PCDH7: variants seen among roughly 807,000 people sequenced by gnomAD.
PCDH7 encodes protocadherin-7.
In PCDH7, 17 loss-of-function variants were observed where a neutral mutation model predicts 58.9. The ratio of observed to expected loss-of-function variants is 0.29; its 90% CI spans 0.20 to 0.43. PCDH7 has a LOEUF of 0.43. Ranked by LOEUF, PCDH7 falls within the 20% of genes least tolerant of loss-of-function variation. The pLI, the probability that PCDH7 is intolerant of heterozygous loss-of-function variation, is 1.00. For missense variants in PCDH7, 1,274 were observed against 1,441.0 expected, an observed-to-expected ratio of 0.88 and a Z score of 1.88; for synonymous variants, 664 against 616.4, an observed-to-expected ratio of 1.08 and a Z score of -1.14.
At chr4:31,028,358 A>G (rs1230978338) in intron 3 of PCDH7, among the ~76,000 whole-genome samples, 2 of 152,198 alleles carry the variant, frequency 1.3e-5, no homozygotes, top group Non-Finnish European at 2.9e-5. Flanking sequence ...TTAAAACAGA[A>G]TAGAGGAAGT....
At chr4:31,129,668 C>T (rs1718731599) in intron 3 of PCDH7, among the ~76,000 whole-genome samples, 1 of 152,038 alleles carries the variant, frequency 6.6e-6, no homozygotes, top group African/African-American at 2.4e-5. Context: ...GGCTCTGTCT[C>T]CCAGGCTGGA....
intron 3 of PCDH7, among the ~76,000 whole-genome samples, chr4:31,046,333 A>T (rs564223684): frequency 6.6e-6 from 1 of 152,082 alleles, no homozygotes; most frequent in East Asian, 1.9e-4. Context: ...TTGGGCTTAA[A>T]ATACCAGCTC....
At chr4:31,013,592 TACACACACAC>T (rs138674335) in intron 3 of PCDH7, among the ~76,000 whole-genome samples, 16 of 146,436 alleles carry the variant, frequency 1.1e-4, no homozygotes, top group Non-Finnish European at 2.3e-4. Context: ...ATATATTTTA[TACACACACAC>T]ACACACACAC....
chr4:31,032,286 T>A (rs1031397569), intron 3 of PCDH7, among the ~76,000 whole-genome samples: 2 of 152,136 alleles, frequency 1.3e-5, no homozygotes, highest in Non-Finnish European at 2.9e-5. Flanking sequence ...AAATAACTTT[T>A]AAAAATGTAT....
At chr4:30,986,062 C>T (rs535094420) in intron 3 of PCDH7, among the ~76,000 whole-genome samples, 2 of 152,208 alleles carry the variant, frequency 1.3e-5, no homozygotes, top group East Asian at 3.9e-4. Context: ...CCTTGAAAAG[C>T]AGGATAATTT....
chr4:31,104,335 T>A (rs1715277793), intron 3 of PCDH7, among the ~76,000 whole-genome samples: 1 of 152,180 alleles, frequency 6.6e-6, no homozygotes, highest in Non-Finnish European at 1.5e-5. Context: ...AAATTATATT[T>A]CCTGCCAAAT....
downstream of PCDH7, among the ~76,000 whole-genome samples, chr4:30,735,409 A>G (rs1481573010): frequency 6.6e-6 from 1 of 152,266 alleles, no homozygotes; most frequent in East Asian, 1.9e-4. Flanking sequence ...GTATCTTGAG[A>G]GCAACGGGCA....
exon 4 of PCDH7, chr4:31,142,575 C>T (rs374867601): frequency 3.3e-5 from 45 of 1,367,530 alleles, no homozygotes; most frequent in East Asian, 4.6e-5. Context: ...CGCACTTCTC[C>T]GGAGAGGAAG....
intron 3 of PCDH7, among the ~76,000 whole-genome samples, chr4:30,970,345 A>G (rs1371264388): frequency 6.6e-6 from 1 of 150,910 alleles, no homozygotes; most frequent in Non-Finnish European, 1.5e-5. Flanking sequence ...CCCAGGCTGG[A>G]GTGCAGTGGC....
chr4:31,105,339 G>T (rs906568642), intron 3 of PCDH7, among the ~76,000 whole-genome samples: 7 of 152,060 alleles, frequency 4.6e-5, no homozygotes, highest in Non-Finnish European at 7.4e-5. Context: ...CATAATGCAT[G>T]TGAATGAATC....
chr4:30,995,293 G>A (rs1415035838), intron 3 of PCDH7, among the ~76,000 whole-genome samples: 6 of 152,120 alleles, frequency 3.9e-5, no homozygotes, highest in Non-Finnish European at 8.8e-5. Flanking sequence ...AGAGGCAGGA[G>A]GATCATGAGG....
At chr4:31,120,499 T>C (rs1257157611) in intron 3 of PCDH7, among the ~76,000 whole-genome samples, 1 of 150,174 alleles carries the variant, frequency 6.7e-6, no homozygotes, top group Non-Finnish European at 1.5e-5. Flanking sequence ...TCACTGAAAA[T>C]TAGGTATAAT....
chr4:30,776,485 A>G (rs995342179), intron 1 of PCDH7, among the ~76,000 whole-genome samples: 3 of 152,238 alleles, frequency 2.0e-5, no homozygotes, highest in Non-Finnish European at 2.9e-5. Context: ...AAAATGAAAT[A>G]TCACCATGTT....
At chr4:30,808,363 A>G (rs1726532066) in intron 1 of PCDH7, among the ~76,000 whole-genome samples, 2 of 152,202 alleles carry the variant, frequency 1.3e-5, no homozygotes, top group South Asian at 4.1e-4. Flanking sequence ...AAATAAATAA[A>G]TAAAACTTTT....
chr4:30,882,319 A>G (rs1052852811), intron 1 of PCDH7, among the ~76,000 whole-genome samples: 3 of 151,442 alleles, frequency 2.0e-5, no homozygotes, highest in African/African-American at 4.9e-5. Context: ...TTGGAGTGCA[A>G]TGGGGCGGTC....
intron 1 of PCDH7, among the ~76,000 whole-genome samples, chr4:30,824,628 C>A (rs149026477): frequency 6.6e-6 from 1 of 151,912 alleles, no homozygotes; most frequent in Non-Finnish European, 1.5e-5. Context: ...ATCAAGAGTA[C>A]GGTTTTATCA....
chr4:31,064,396 G>A (rs1029030215), intron 3 of PCDH7, among the ~76,000 whole-genome samples: 2 of 151,962 alleles, frequency 1.3e-5, no homozygotes, highest in African/African-American at 2.4e-5. Context: ...TAGGGCGTGT[G>A]TGTCTTTGTA....
intron 3 of PCDH7, among the ~76,000 whole-genome samples, chr4:31,014,977 C>T (rs1753492249): frequency 6.6e-6 from 1 of 152,056 alleles, no homozygotes; most frequent in Admixed American, 6.6e-5. Context: ...GCATGCACAG[C>T]AAAGGCAATC....
At chr4:30,795,748 G>C (rs1003873057) in intron 1 of PCDH7, among the ~76,000 whole-genome samples, 1 of 152,116 alleles carries the variant, frequency 6.6e-6, no homozygotes, top group Non-Finnish European at 1.5e-5. Context: ...TACACTTGCT[G>C]TTTACCAAGA....
Sources: allele counts gnomAD v4.1 joint callset (sites outside exome capture counted in the v4.1 genomes callset), GRCh38; gene constraint gnomAD v4.1.1; transcripts MANE v1.5; gene names NCBI Gene and HGNC (gene_info 2026-07-23, HGNC 2026-07-21).